The following LY86 variants were observed in gnomAD, a reference collection of about 807,000 sequenced individuals.
The protein encoded by LY86 is MD-1, RP105-associated.
In LY86, 20 loss-of-function variants were observed where a neutral mutation model predicts 17.3. The ratio of observed to expected loss-of-function variants is 1.15; its 90% CI spans 0.81 to 1.68. The LOEUF is 1.68. Ranked by LOEUF, LY86 falls within the 40% of genes most tolerant of loss-of-function variation. The pLI, the probability that LY86 is intolerant of heterozygous loss-of-function variation, is 0.00. For missense variants in LY86, 200 were observed against 191.9 expected (o/e 1.04, Z -0.25); for synonymous variants, 74 against 70.6 (o/e 1.05, Z -0.24).
chr6:6,629,995 G>C (rs1466676174), intron 3 of LY86, among the ~76,000 whole-genome samples: 1 of 152,202 alleles, frequency 6.6e-6, no homozygotes, highest in Non-Finnish European at 1.5e-5. Context: ...TGTAGTCACT[G>C]TTGAATCCTA....
intron 3 of LY86, among the ~76,000 whole-genome samples, chr6:6,628,936 T>A (rs1411266661): frequency 6.6e-6 from 1 of 152,168 alleles, no homozygotes; most frequent in Non-Finnish European, 1.5e-5. Context: ...TAGCAGAGAG[T>A]ACATTTTCCT....
chr6:6,593,086 AAAC>A (rs1356992431), intron 1 of LY86, among the ~76,000 whole-genome samples: 1 of 152,256 alleles, frequency 6.6e-6, no homozygotes, highest in Non-Finnish European at 1.5e-5. Flanking sequence ...TGGTGGCTGA[AAAC>A]AACACATGTA....
chr6:6,654,083 ACC>A lies in LY86; in HGVS notation c.406-454_406-453del, dbSNP rs3835210. On this transcript the variant is annotated intron_variant, in intron 4 of 4. Transcript: ENST00000230568. ...TGGCCTCCTGTGTTGCCCTTACCTC[ACC>A]CCCCCCATCCCCCCACTCCCTGCAG... Among the ~76,000 whole-genome samples, 113 of 143,598 alleles carry A rather than the reference ACC, an allele frequency of 7.9e-4. 1 individual carries two copies. The highest frequency in any genetic ancestry group is 2.8e-3 in the African/African-American group (109 of 38,824). 94.2% of individuals were successfully genotyped at this position (143,598 alleles called of 152,430 possible).
chr6:6,651,684 C>G (rs1328006847), intron 4 of LY86, among the ~76,000 whole-genome samples: 1 of 152,142 alleles, frequency 6.6e-6, no homozygotes, highest in Non-Finnish European at 1.5e-5. Flanking sequence ...TTGTTGGCTT[C>G]TTTTTAAACC....
chr6:6,612,035 A>G (rs1242300089), intron 1 of LY86, among the ~76,000 whole-genome samples: 1 of 111,824 alleles, frequency 8.9e-6, no homozygotes, highest in Non-Finnish European at 1.8e-5. Context: ...CTCTTGTATT[A>G]GGAGAGAGCA....
chr6:6,588,886 A>AC lies in LY86; in HGVS notation c.136+17dup, dbSNP rs1451688089. On this transcript the variant is annotated intron_variant, in intron 1 of 4. Coordinates refer to ENST00000230568, the MANE Select transcript of LY86 (RefSeq NM_004271.4). Reference sequence around the variant, plus strand: ...CAGAGTTGCGGTAAGCCCTTGCAGTACACCCATGTGTGTTTATGGGGAAAG... The same window carrying AC: ...CAGAGTTGCGGTAAGCCCTTGCAGTACCACCCATGTGTGTTTATGGGGAAAG... 1 of 1,613,072 alleles carries AC rather than the reference A, an allele frequency of 6.2e-7. No homozygotes were observed. Among genetic ancestry groups the AC allele is most frequent in the South Asian group, 1.1e-5 (1 of 91,052 alleles).
At chr6:6,612,712 T>C (rs1053658101) in intron 1 of LY86, among the ~76,000 whole-genome samples, 3 of 152,188 alleles carry the variant, frequency 2.0e-5, no homozygotes, top group Admixed American at 2.0e-4. Context: ...GCGTTTACAA[T>C]CCCTGAGCTA....
intron 1 of LY86, among the ~76,000 whole-genome samples, chr6:6,614,242 A>G (rs1761490140): frequency 2.6e-5 from 4 of 152,136 alleles, no homozygotes; most frequent in South Asian, 2.1e-4. Flanking sequence ...AAAATTGCTG[A>G]GAGTGTGAAC....
chr6:6,617,536 G>C (rs2113129799), intron 1 of LY86, among the ~76,000 whole-genome samples: 1 of 152,316 alleles, frequency 6.6e-6, no homozygotes, highest in East Asian at 1.9e-4. Context: ...TCAGTAGTGT[G>C]TTATCATAAT....
rs1351741745 is a variant in LY86, at chr6:6,588,790, G to A, written c.56G>A (p.Ser19Asn). The A allele has an allele frequency of 1.9e-6, 3 of 1,614,212 alleles. No individual in the cohort carries two copies. The highest frequency in any genetic ancestry group is 2.5e-6 in the Non-Finnish European group (3 of 1,180,028). Reference protein sequence around the residue: ...FLWTLIFPSCSGGGGGKAWPT... With the variant: ...FLWTLIFPSCNGGGGGKAWPT... ...TGGACTCTGATTTTTCCCAGCTGCA[G>A]TGGAGGCGGCGGTGGGAAAGCCTGG... Residue 19 changes from serine (S) to asparagine (N), a missense_variant, in exon 1 of 5, where the codon AGT becomes AAT. Physicochemically the swap from Ser to Asn is conservative, Grantham distance 46. Coordinates refer to ENST00000230568, the MANE Select transcript of LY86 (RefSeq NM_004271.4).
At chr6:6,605,692 AAAG>A (rs1172448134) in intron 1 of LY86, among the ~76,000 whole-genome samples, 1 of 152,150 alleles carries the variant, frequency 6.6e-6, no homozygotes, top group African/African-American at 2.4e-5. Context: ...TCACGGACTT[AAAG>A]AATGAAGCCG....
intron 1 of LY86, among the ~76,000 whole-genome samples, chr6:6,612,180 A>C (rs908038644): frequency 1.3e-5 from 2 of 152,068 alleles, no homozygotes; most frequent in African/African-American, 2.4e-5. Context: ...TCTTGGTCTC[A>C]CTGACTTCAA....
At chr6:6,628,375 C>T (rs1013395756) in intron 3 of LY86, among the ~76,000 whole-genome samples, 4 of 151,034 alleles carry the variant, frequency 2.6e-5, no homozygotes, top group Admixed American at 1.3e-4. Flanking sequence ...GCTCCACCCC[C>T]CTATACATAC....
At chr6:6,613,052 C>CT (rs1761429538) in intron 1 of LY86, among the ~76,000 whole-genome samples, 1 of 151,614 alleles carries the variant, frequency 6.6e-6, no homozygotes, top group South Asian at 2.1e-4. Context: ...AGACATAAAG[C>CT]TTCTCCAAGT....
At chr6:6,630,956 T>C (rs1002889014) in intron 3 of LY86, among the ~76,000 whole-genome samples, 1 of 152,232 alleles carries the variant, frequency 6.6e-6, no homozygotes, top group Non-Finnish European at 1.5e-5. Flanking sequence ...CTGAGTTAAG[T>C]AGAATTTATC....
At chr6:6,654,147 C>A (rs1762226911) in intron 4 of LY86, among the ~76,000 whole-genome samples, 2 of 152,210 alleles carry the variant, frequency 1.3e-5, no homozygotes, top group Admixed American at 1.3e-4. Flanking sequence ...AAGGTGGGGG[C>A]CCCAGCCCAT....
At chr6:6,641,112 C>T (rs538989540) in intron 3 of LY86, among the ~76,000 whole-genome samples, 12 of 152,350 alleles carry the variant, frequency 7.9e-5, no homozygotes, top group African/African-American at 2.6e-4. Context: ...GCTGACCCTT[C>T]ACACAGCCAA....
chr6:6,631,726 G>A (rs1441814553), intron 3 of LY86, among the ~76,000 whole-genome samples: 2 of 152,164 alleles, frequency 1.3e-5, no homozygotes, highest in Admixed American at 6.5e-5. Flanking sequence ...AAACATTTTA[G>A]GTTTTGCAGA....
chr6:6,607,370 A>G (rs757361870), intron 1 of LY86, among the ~76,000 whole-genome samples: 1 of 152,264 alleles, frequency 6.6e-6, no homozygotes, highest in Non-Finnish European at 1.5e-5. Context: ...CCAAGGTTTT[A>G]AAAATAGGAA....
Sources: gnomAD v4.1 joint callset for allele counts (sites outside exome capture counted in the v4.1 genomes callset) on GRCh38, gnomAD v4.1.1 for gene constraint, MANE v1.5 for transcripts, NCBI Gene and HGNC (gene_info 2026-07-23, HGNC 2026-07-21) for gene names.